The following COPG2 variants were observed in gnomAD, a reference collection of about 807,000 sequenced individuals.
COPG2 encodes coatomer subunit gamma-2.
A neutral mutation model predicts 46.3 loss-of-function variants in COPG2; 37 were observed. The observed-to-expected ratio is 0.80, with a 90% confidence interval of 0.61 to 1.05. The LOEUF (loss-of-function observed/expected upper bound fraction) is 1.05. Ranked by LOEUF, COPG2 falls within the 50% of genes least tolerant of loss-of-function variation. The pLI is 0.00. For missense variants in COPG2, 427 were observed against 387.8 expected, an observed-to-expected ratio of 1.10 and a Z score of -0.85; for synonymous variants, 159 against 129.7, an observed-to-expected ratio of 1.23 and a Z score of -1.53.
chr7:130,644,308 C>A (rs1428278231), intron 5 of COPG2, among the ~76,000 whole-genome samples: 1 of 152,108 alleles, frequency 6.6e-6, no homozygotes, highest in African/African-American at 2.4e-5. Flanking sequence ...TGCATCTAAT[C>A]ACTTTGTGGG....
chr7:130,643,251 C>A (rs182292460), intron 5 of COPG2, among the ~76,000 whole-genome samples: 1 of 151,352 alleles, frequency 6.6e-6, no homozygotes, highest in Non-Finnish European at 1.5e-5. Context: ...GCCAAGATCG[C>A]GCCACTGCAC....
intron 9 of COPG2, among the ~76,000 whole-genome samples, chr7:130,566,820 G>A (rs1793811259): frequency 6.6e-6 from 1 of 152,162 alleles, no homozygotes; most frequent in South Asian, 2.1e-4. Context: ...AGTCGGGCAG[G>A]ATGTTTCTCA....
chr7:130,586,974 T>A (rs1214419863), intron 9 of COPG2, among the ~76,000 whole-genome samples: 1 of 151,942 alleles, frequency 6.6e-6, no homozygotes, highest in African/African-American at 2.4e-5. Context: ...ATAATTCCTA[T>A]CCTTTAATAT....
At chr7:130,511,900 A>C (rs782459278) in intron 20 of COPG2, 2 of 511,418 alleles carry the variant, frequency 3.9e-6, no homozygotes, top group African/African-American at 3.9e-5. Flanking sequence ...GGAAAGTTAT[A>C]AACTGATGAA....
intron 8 of COPG2, among the ~76,000 whole-genome samples, chr7:130,611,455 C>T (rs1414687621): frequency 6.6e-6 from 1 of 152,170 alleles, no homozygotes; most frequent in Non-Finnish European, 1.5e-5. Context: ...AGTGGCTTTA[C>T]ATCATCTGTG....
At chr7:130,552,278 T>G (rs1432419915) in intron 15 of COPG2, 77 bp downstream of exon 15, 2 of 396,508 alleles carry the variant, frequency 5.0e-6, no homozygotes, top group Non-Finnish European at 8.9e-6. Flanking sequence ...GCATCCGCCC[T>G]ATGGTAGAAT....
chr7:130,667,353 A>C, intron 2 of COPG2, 129 bp downstream of exon 2: 1 of 719,774 alleles, frequency 1.4e-6, no homozygotes, highest in South Asian at 2.2e-5. Context: ...TTTCCCTCAA[A>C]TCTATATTCC....
intron 5 of COPG2, among the ~76,000 whole-genome samples, chr7:130,647,030 T>C (rs1554458392): frequency 7.0e-6 from 1 of 143,766 alleles, no homozygotes; most frequent in African/African-American, 2.6e-5. Context: ...TATATGTGTA[T>C]ATATATATTT....
At chr7:130,535,729 G>C (rs1365992111) in intron 20 of COPG2, among the ~76,000 whole-genome samples, 6 of 149,176 alleles carry the variant, frequency 4.0e-5, no homozygotes, top group Non-Finnish European at 7.4e-5. Context: ...GACTGGGGGA[G>C]GGGTTGGGGT....
intron 20 of COPG2, among the ~76,000 whole-genome samples, chr7:130,525,290 G>A (rs1181854633): frequency 6.6e-6 from 1 of 152,206 alleles, no homozygotes; most frequent in African/African-American, 2.4e-5. Context: ...GGCACTGACA[G>A]ATCTCATGTG....
At chr7:130,624,861 C>CA (rs879995455) in intron 5 of COPG2, among the ~76,000 whole-genome samples, 15 of 152,136 alleles carry the variant, frequency 9.9e-5, no homozygotes, top group Non-Finnish European at 1.6e-4. Context: ...GTGAACTGTG[C>CA]TGTTATAAAC....
At chr7:130,665,418 C>T (rs956079800) in intron 3 of COPG2, among the ~76,000 whole-genome samples, 4 of 152,022 alleles carry the variant, frequency 2.6e-5, no homozygotes, top group Admixed American at 2.6e-4. Flanking sequence ...ATAGTCAGCC[C>T]TCCATAACCA....
intron 9 of COPG2, among the ~76,000 whole-genome samples, chr7:130,573,603 G>A (rs1237195665): frequency 6.6e-6 from 1 of 151,930 alleles, no homozygotes; most frequent in Non-Finnish European, 1.5e-5. Context: ...CATCTTCACA[G>A]ATGAATAAAA....
chr7:130,538,612 T>G (rs886974003), intron 20 of COPG2, among the ~76,000 whole-genome samples: 35 of 147,246 alleles, frequency 2.4e-4, no homozygotes, highest in African/African-American at 7.6e-4. Context: ...ATGGAGGAAA[T>G]GGGGCATCAC....
intron 20 of COPG2, among the ~76,000 whole-genome samples, chr7:130,544,886 G>A (rs1199874667): frequency 1.3e-5 from 2 of 152,234 alleles, no homozygotes; most frequent in East Asian, 1.9e-4. Flanking sequence ...CAACCTTTGC[G>A]AGAAGGTGTT....
At chr7:130,558,004 G>A (rs951461082) in intron 12 of COPG2, among the ~76,000 whole-genome samples, 2,544 of 151,538 alleles carry the variant, frequency 0.017, 68 homozygotes, top group African/African-American at 0.059. Flanking sequence ...AAGTACATAC[G>A]CAACTTTTTT....
chr7:130,612,163 T>C lies in COPG2; in HGVS notation c.568A>G (p.Ile190Val), dbSNP rs782010497. 4 of 1,608,726 alleles carry C rather than the reference T, an allele frequency of 2.5e-6. No individual in the cohort carries two copies. Among genetic ancestry groups the C allele is most frequent in the African/African-American group, 2.7e-5 (2 of 74,798 alleles). ...EAQEAASSDN[I>V]MVQYHALGVL... ...TTCAATGACAATACCTGGACCATAA[T>C]ATTATCACTTGATGCAGCTTCTTGG... The change falls in exon 8 of 24, where the codon ATT (isoleucine) becomes GTT (valine). Residue 190 changes from isoleucine (I) to valine (V), a missense_variant. Transcript: ENST00000425248.
At chr7:130,610,047 G>T in intron 9 of COPG2, 1 of 516,304 alleles carries the variant, frequency 1.9e-6, no homozygotes, top group South Asian at 1.4e-5. Context: ...TCTATATGTG[G>T]GTCATCTGTA....
intron 20 of COPG2, among the ~76,000 whole-genome samples, chr7:130,520,579 A>C (rs962137204): frequency 2.3e-4 from 35 of 152,196 alleles, no homozygotes; most frequent in Non-Finnish European, 3.2e-4. Context: ...GCTAACAAAA[A>C]CTTTTAGCTT....
Sources: allele counts gnomAD v4.1 joint callset (sites outside exome capture counted in the v4.1 genomes callset), GRCh38; gene constraint gnomAD v4.1.1; transcripts MANE v1.5; gene names NCBI Gene and HGNC (gene_info 2026-07-23, HGNC 2026-07-21).